The following UTRN variants were observed in gnomAD, a reference collection of about 807,000 sequenced individuals.
UTRN encodes dystrophin-related protein 1.
In UTRN, 283 loss-of-function variants were observed where a neutral mutation model predicts 463.9. That is an observed-to-expected ratio of 0.61 (90% CI 0.55 to 0.67). The LOEUF is 0.67. Among genes scored for constraint, UTRN ranks in the 30% least tolerant of loss-of-function variants. The probability of loss-of-function intolerance (pLI) is 0.00; values close to 1 mark genes in which losing one functional copy is unlikely to be tolerated. For synonymous variants in UTRN, 1,442 were observed against 1,431.5 expected (o/e 1.01, Z -0.17); for missense variants, 3,922 against 4,084.3 (o/e 0.96, Z 1.08).
At chr6:144,699,949 C>T (rs1586091884) in intron 52 of UTRN, 138 bp from the exon 53 acceptor site, 1 of 502,200 alleles carries the variant, frequency 2.0e-6, no homozygotes, top group Non-Finnish European at 3.0e-6. Context: ...TATGTATTTA[C>T]AAGGAGTCAG....
chr6:144,353,441 T>C (rs1260913029), intron 2 of UTRN, among the ~76,000 whole-genome samples: 1 of 145,102 alleles, frequency 6.9e-6, no homozygotes, highest in African/African-American at 2.5e-5. Flanking sequence ...TTTTTTTAAA[T>C]AGAAACAAGG....
chr6:144,459,190 T>A lies in UTRN; in HGVS notation c.2543T>A (p.Leu848His). 6.2e-7 allele frequency: 1 copy of A among 1,611,964 alleles called. No homozygotes were observed. Among genetic ancestry groups the A allele is most frequent in the Non-Finnish European group, 8.5e-7 (1 of 1,179,324 alleles). Residue 848 changes from leucine (L) to histidine (H), a missense_variant, in exon 21 of 75, where the codon CTT (leucine) becomes CAT (histidine). Physicochemically the swap from Leu to His is moderately conservative, Grantham distance 99. Coordinates refer to ENST00000367545, the MANE Select transcript of UTRN (RefSeq NM_007124.3). ...CTTCCTTAGCGGGAATTGACAAATCTTCTTGGCCTTCACCCCAAAATTGAA... is the reference window on the plus strand; with the variant it reads ...CTTCCTTAGCGGGAATTGACAAATCATCTTGGCCTTCACCCCAAAATTGAA... ...KDSCQRELTN[L>H]LGLHPKIEMA...
At chr6:144,388,802 C>T (rs188168584) in intron 2 of UTRN, among the ~76,000 whole-genome samples, 26 of 152,234 alleles carry the variant, frequency 1.7e-4, no homozygotes, top group South Asian at 4.1e-4. Context: ...TTGCCCTACC[C>T]GCTAGTATCC....
At chr6:144,689,329 G>T (rs1231169604) in intron 52 of UTRN, among the ~76,000 whole-genome samples, 1 of 152,164 alleles carries the variant, frequency 6.6e-6, no homozygotes, top group Non-Finnish European at 1.5e-5. Context: ...GGAGCACCAG[G>T]GCTGCCTGAC....
At chr6:144,663,523 T>C (rs1196555401) in intron 51 of UTRN, among the ~76,000 whole-genome samples, 1 of 152,226 alleles carries the variant, frequency 6.6e-6, no homozygotes, top group Non-Finnish European at 1.5e-5. Flanking sequence ...TTTTGTTTAA[T>C]AGTCACAGAG....
intron 2 of UTRN, among the ~76,000 whole-genome samples, chr6:144,342,334 T>TAC (rs1167993528): frequency 9.0e-6 from 1 of 110,886 alleles, no homozygotes. Context: ...TACTTCTGGG[T>TAC]ACACACATAC....
chr6:144,408,110 G>T (rs995617053), intron 3 of UTRN, among the ~76,000 whole-genome samples: 3 of 152,170 alleles, frequency 2.0e-5, no homozygotes, highest in African/African-American at 7.2e-5. Flanking sequence ...GTGTATAGGA[G>T]ATGATAATTA....
intron 51 of UTRN, 119 bp downstream of exon 51, chr6:144,577,407 C>T (rs184033404): frequency 4.9e-6 from 5 of 1,019,278 alleles, no homozygotes; most frequent in Middle Eastern, 3.2e-4. Flanking sequence ...TTATGAAATC[C>T]GTGCTCTCCT....
At chr6:144,772,447 C>T (rs943352375) in intron 59 of UTRN, among the ~76,000 whole-genome samples, 1 of 152,154 alleles carries the variant, frequency 6.6e-6, no homozygotes, top group Non-Finnish European at 1.5e-5. Flanking sequence ...ATGCAGTAAA[C>T]AGGTATTGCC....
chr6:144,336,003 G>C (rs1164190899), intron 2 of UTRN, among the ~76,000 whole-genome samples: 1 of 152,112 alleles, frequency 6.6e-6, no homozygotes, highest in Non-Finnish European at 1.5e-5. Flanking sequence ...AGTTTAGACA[G>C]GACTATCTTT....
intron 53 of UTRN, among the ~76,000 whole-genome samples, chr6:144,709,147 T>C (rs535962950): frequency 6.6e-6 from 1 of 152,316 alleles, no homozygotes; most frequent in South Asian, 2.1e-4. Flanking sequence ...CCATAGTACT[T>C]CGTTGCAATT....
At chr6:144,366,732 T>G (rs985090929) in intron 2 of UTRN, among the ~76,000 whole-genome samples, 15 of 152,188 alleles carry the variant, frequency 9.9e-5, no homozygotes, top group African/African-American at 3.6e-4. Context: ...GTCATCATGA[T>G]GGAATGATTT....
At chr6:144,647,168 G>T (rs1371234506) in intron 51 of UTRN, among the ~76,000 whole-genome samples, 2 of 152,092 alleles carry the variant, frequency 1.3e-5, no homozygotes, top group Non-Finnish European at 2.9e-5. Context: ...CCTTAGAATT[G>T]AGATAATTCA....
chr6:144,435,703 C>T (rs1786470059), intron 9 of UTRN, among the ~76,000 whole-genome samples: 1 of 152,176 alleles, frequency 6.6e-6, no homozygotes, highest in South Asian at 2.1e-4. Context: ...ATATTAGAAT[C>T]TCCTTGAGTA....
intron 51 of UTRN, among the ~76,000 whole-genome samples, chr6:144,593,093 A>G (rs1803276914): frequency 1.3e-5 from 2 of 152,238 alleles, no homozygotes; most frequent in African/African-American, 4.8e-5. Flanking sequence ...ATTTTAGTAG[A>G]GCAGAAAACT....
intron 51 of UTRN, among the ~76,000 whole-genome samples, chr6:144,604,786 G>A (rs1804656419): frequency 1.3e-5 from 2 of 151,950 alleles, no homozygotes; most frequent in African/African-American, 4.8e-5. Flanking sequence ...ATGGTGGCAG[G>A]CATCTGTAAT....
chr6:144,745,362 T>C (rs1418416356), intron 54 of UTRN, among the ~76,000 whole-genome samples: 3 of 152,186 alleles, frequency 2.0e-5, no homozygotes, highest in Non-Finnish European at 4.4e-5. Flanking sequence ...ATTTCACATG[T>C]CGCTTCTTCT....
chr6:144,585,543 T>G (rs1403635575), intron 51 of UTRN, among the ~76,000 whole-genome samples: 2 of 152,162 alleles, frequency 1.3e-5, no homozygotes, highest in African/African-American at 4.8e-5. Context: ...TGTGGTTATA[T>G]TTTGAAAACT....
At chr6:144,723,244 C>CA (rs1338211842) in intron 53 of UTRN, among the ~76,000 whole-genome samples, 1 of 152,096 alleles carries the variant, frequency 6.6e-6, no homozygotes. Flanking sequence ...AGTTTTACAT[C>CA]AAAAAATTAC....
Sources: gnomAD v4.1 joint callset for allele counts (sites outside exome capture counted in the v4.1 genomes callset) on GRCh38, gnomAD v4.1.1 for gene constraint, MANE v1.5 for transcripts, NCBI Gene and HGNC (gene_info 2026-07-23, HGNC 2026-07-21) for gene names.